Variants in ARHGEF11 observed in about 807,000 individuals in gnomAD.
ARHGEF11 encodes the protein Rho guanine exchange factor (GEF) 11.
A neutral mutation model predicts 193.7 loss-of-function variants in ARHGEF11; 55 were observed. The observed-to-expected ratio is 0.28, with a 90% CI of 0.23 to 0.36. ARHGEF11 has a LOEUF of 0.36. Among genes scored for constraint, ARHGEF11 ranks in the 10% least tolerant of loss-of-function variants. ARHGEF11 has a pLI of 1.00. For missense variants in ARHGEF11, 1,723 were observed against 2,005.6 expected (o/e 0.86, Z 2.69); for synonymous variants, 693 against 768.0 (o/e 0.90, Z 1.62).
At chr1:157,014,522 C>T (rs893144765) in intron 1 of ARHGEF11, among the ~76,000 whole-genome samples, 5 of 152,128 alleles carry the variant, frequency 3.3e-5, no homozygotes, top group Admixed American at 3.3e-4. Flanking sequence ...ATCCAATTCT[C>T]TCTTAAAGGA....
chr1:156,960,730 G>A (rs1436836502), intron 14 of ARHGEF11, among the ~76,000 whole-genome samples: 1 of 152,178 alleles, frequency 6.6e-6, no homozygotes, highest in Non-Finnish European at 1.5e-5. Context: ...GGCCATTAGA[G>A]CGCATGGGAT....
intron 15 of ARHGEF11, among the ~76,000 whole-genome samples, chr1:156,959,924 A>ACCCC (rs752001490): frequency 4.4e-4 from 34 of 77,046 alleles, no homozygotes; most frequent in African/African-American, 1.2e-3. Context: ...AACAAAAATA[A>ACCCC]CCCCCCCTCC....
chr1:156,988,178 C>T (rs917362155), intron 1 of ARHGEF11, among the ~76,000 whole-genome samples: 4 of 152,112 alleles, frequency 2.6e-5, no homozygotes, highest in Admixed American at 6.5e-5. Flanking sequence ...ACTGAAAATG[C>T]GCTGTTCACT....
chr1:156,955,157 T>C (rs562445100), intron 20 of ARHGEF11, among the ~76,000 whole-genome samples: 18 of 152,256 alleles, frequency 1.2e-4, no homozygotes, highest in African/African-American at 3.9e-4. Context: ...AGGTACTGAC[T>C]GGGAGGGGCC....
intron 1 of ARHGEF11, among the ~76,000 whole-genome samples, chr1:157,016,509 G>A (rs745972035): frequency 1.2e-4 from 19 of 152,124 alleles, no homozygotes; most frequent in Non-Finnish European, 1.8e-4. Flanking sequence ...CGTGAGCCAC[G>A]GTGCCCAGCC....
chr1:156,981,593 C>T (rs539114003), intron 3 of ARHGEF11, among the ~76,000 whole-genome samples: 12 of 152,286 alleles, frequency 7.9e-5, no homozygotes, highest in South Asian at 6.2e-4. Context: ...CCTCCCATCT[C>T]GGCCTCCGAA....
rs145032890 is a variant in ARHGEF11, at chr1:157,015,853, T to C, written c.32+28446A>G. On this transcript the variant is annotated intron_variant, in intron 1 of 40. Coordinates refer to ENST00000368194, the MANE Select transcript of ARHGEF11 (RefSeq NM_198236.3). Reference sequence around the variant, plus strand: ...CACTCATTCACCCAATCAAAAACATTTACTGAATTTCCACCAGGTGCCAGT... The same window carrying C: ...CACTCATTCACCCAATCAAAAACATCTACTGAATTTCCACCAGGTGCCAGT... Among the ~76,000 whole-genome samples the C allele has an allele frequency of 2.4e-3, 366 of 152,226 alleles. 2 individuals are homozygous for C. Among genetic ancestry groups the C allele is most frequent in the Middle Eastern group, 6.8e-3 (2 of 294 alleles).
In ARHGEF11 at chr1:156,941,419, T is replaced by G. The variant is rs931400340; in HGVS notation, c.3467A>C (p.Asp1156Ala). Residue 1156 changes from aspartate to alanine, a missense_variant, in exon 35 of 41, where the codon GAC (aspartate) becomes GCC (alanine). Transcript: ENST00000368194. Reference sequence around the variant, plus strand: ...AGGTTCACCATGGAACACGTCTGAGTCATCCAGTTCTACCCTGAGGAAGGA... The same window carrying G: ...AGGTTCACCATGGAACACGTCTGAGGCATCCAGTTCTACCCTGAGGAAGGA... The part of the protein sequence containing the change: ...GPTPSRVELD[D>A]SDVFHGEPEP... The G allele has an allele frequency of 4.3e-6, 7 of 1,613,470 alleles. No individual in the cohort carries two copies. The highest frequency in any genetic ancestry group is 5.9e-6 in the Non-Finnish European group (7 of 1,179,718).
intron 1 of ARHGEF11, among the ~76,000 whole-genome samples, chr1:156,986,613 G>A (rs995965519): frequency 1.3e-5 from 2 of 152,190 alleles, no homozygotes; most frequent in African/African-American, 4.8e-5. Context: ...TGCAAAGGAA[G>A]GGGAGACTGG....
In ARHGEF11 at chr1:156,948,751, G is replaced by A; in HGVS notation, c.1926-253C>T. On this transcript the variant is annotated intron_variant, in intron 22 of 40. Coordinates refer to ENST00000368194, the MANE Select transcript of ARHGEF11 (RefSeq NM_198236.3). This position sits in a 1 kb window ranked among gnomAD's most constrained non-coding sequence, Gnocchi z 4.2. ...CAGTCATCTTCCTCTGGAGCTATTA[G>A]GAAGGGATCCTAACAGGAAGATGAA... is the stretch of plus-strand genomic sequence containing the variant. The A allele has an allele frequency of 7.0e-7, 1 of 1,438,648 alleles. No individual in the cohort carries two copies. The highest frequency in any genetic ancestry group is 9.2e-7 in the Non-Finnish European group (1 of 1,091,434). The allele number at this position is 1,438,648 out of a possible 1,614,324, so 89.1% of individuals were successfully genotyped here.
intron 1 of ARHGEF11, among the ~76,000 whole-genome samples, chr1:157,043,339 C>G (rs1672987528): frequency 6.6e-6 from 1 of 152,140 alleles, no homozygotes; most frequent in African/African-American, 2.4e-5. Context: ...AAACACACCC[C>G]CCACAGCAAG....
chr1:156,942,630 A>C (rs1334571008), intron 33 of ARHGEF11, 60 bp downstream of exon 33: 10 of 1,526,972 alleles, frequency 6.5e-6, no homozygotes, highest in Non-Finnish European at 9.0e-6. Flanking sequence ...CTGTCCTCAT[A>C]AACACCACCC....
At chr1:157,011,419 T>C (rs1668528006) in intron 1 of ARHGEF11, among the ~76,000 whole-genome samples, 1 of 152,144 alleles carries the variant, frequency 6.6e-6, no homozygotes, top group South Asian at 2.1e-4. Context: ...GACCTTGAGT[T>C]AGGCAGTGGT....
intron 29 of ARHGEF11, 52 bp downstream of exon 29, chr1:156,945,993 G>C (rs1658031796): frequency 6.9e-7 from 1 of 1,446,672 alleles, no homozygotes; most frequent in Non-Finnish European, 9.7e-7. Flanking sequence ...TCAGAATGAG[G>C]GTCTGGCACG....
chr1:156,953,191 C>T (rs767729932), intron 21 of ARHGEF11, among the ~76,000 whole-genome samples: 2 of 152,254 alleles, frequency 1.3e-5, no homozygotes, highest in Non-Finnish European at 2.9e-5. Context: ...TGCTTACAAT[C>T]TCAGCATTTT....
At position 156,956,691 on chromosome 1, in the gene ARHGEF11, G is replaced by T. The variant is rs1372087886; in HGVS notation, c.1527-127C>A. The T allele has an allele frequency of 1.3e-5, 18 of 1,398,126 alleles. No individual in the cohort carries two copies. In the African/African-American group the frequency reaches 2.2e-4, roughly 17 times the overall value. 86.6% of individuals were successfully genotyped at this position (1,398,126 alleles called of 1,614,324 possible). ...TACAGGTGAAAGTATTCAAAGAAAA[G>T]TCTAGAATAATTAAATGGGACAGCA... On this transcript the variant is annotated intron_variant, in intron 18 of 40. Coordinates refer to ENST00000368194, the MANE Select transcript of ARHGEF11 (RefSeq NM_198236.3).
At chr1:157,032,200 T>G (rs1671389461) in intron 1 of ARHGEF11, among the ~76,000 whole-genome samples, 1 of 152,166 alleles carries the variant, frequency 6.6e-6, no homozygotes, top group Non-Finnish European at 1.5e-5. Context: ...TAAGCAAGGT[T>G]TCCCAGATGG....
At chr1:156,994,675 C>A (rs6689412) in intron 1 of ARHGEF11, among the ~76,000 whole-genome samples, 33,761 of 151,982 alleles carry the variant, frequency 0.22, 3,962 homozygotes, top group East Asian at 0.36. Context: ...AGCTTGGTTC[C>A]ACATCGAATA....
chr1:156,942,629 TA>T, intron 33 of ARHGEF11, 60 bp downstream of exon 33: 1 of 1,526,296 alleles, frequency 6.6e-7, no homozygotes, highest in Non-Finnish European at 9.0e-7. Flanking sequence ...ACTGTCCTCA[TA>T]AACACCACCC....
Sources: allele counts gnomAD v4.1 joint callset (sites outside exome capture counted in the v4.1 genomes callset), GRCh38; gene constraint gnomAD v4.1.1; non-coding constraint Gnocchi (gnomAD v3.1); transcripts MANE v1.5; gene names NCBI Gene and HGNC (gene_info 2026-07-23, HGNC 2026-07-21).